XPNPEP2: variants seen among roughly 807,000 people sequenced by gnomAD.
XPNPEP2 encodes the protein X-prolyl aminopeptidase 2.
XPNPEP2 carries 64 observed loss-of-function variants against 59.8 expected under a neutral mutation model. That is an observed-to-expected ratio of 1.07 (90% CI 0.87 to 1.32). The LOEUF is 1.32. Among genes scored for constraint, XPNPEP2 ranks in the 40% most tolerant of loss-of-function variants. The probability of loss-of-function intolerance (pLI) is 0.00; values close to 1 mark genes in which losing one functional copy is unlikely to be tolerated. For synonymous variants in XPNPEP2, 235 were observed against 210.0 expected (o/e 1.12, Z -1.03); for missense variants, 575 against 546.8 (o/e 1.05, Z -0.51).
chrX:129,755,474 C>T lies in XPNPEP2; in HGVS notation c.1295+103C>T, dbSNP rs1009895088. ...GGGGATGTTCTGGGACCTGAGTCCA[C>T]GTTGAAGGTCCGAGGCCCCTAGCCC... On this transcript the variant is annotated intron_variant, in intron 13 of 20. Transcript: ENST00000371106. 8.5e-6 allele frequency: 7 copies of T among 826,371 alleles called. No homozygotes were observed. The South Asian group carries it at 9.0e-5, about 11-fold the overall frequency. 68.1% of individuals were successfully genotyped at this position (826,371 alleles called of 1,213,427 possible). A position where few individuals can be genotyped will look rare whatever the true frequency, so the allele number is the denominator to read the frequency against.
At chrX:129,743,200 A>AT (rs1400760609) in intron 2 of XPNPEP2, among the ~76,000 whole-genome samples, 1 of 112,753 alleles carries the variant, frequency 8.9e-6, no homozygotes, top group Non-Finnish European at 1.9e-5. Context: ...TAAAACAAAC[A>AT]TGGATATATC....
chrX:129,743,349 T>C (rs893128234), intron 2 of XPNPEP2, among the ~76,000 whole-genome samples: 1 of 111,651 alleles, frequency 9.0e-6, no homozygotes, highest in Non-Finnish European at 1.9e-5. Flanking sequence ...ATTCATTCAC[T>C]CTCCTCTGCC....
At chrX:129,765,113 T>C (rs1171436547) in intron 19 of XPNPEP2, among the ~76,000 whole-genome samples, 5 of 112,446 alleles carry the variant, frequency 4.4e-5, no homozygotes, top group Admixed American at 3.8e-4. Context: ...TGGATTCTAC[T>C]GTACATACTT....
Position 129,768,710 on chromosome X carries a change from C to T in XPNPEP2, c.*225C>T. 2 of 310,917 alleles carry T rather than the reference C, an allele frequency of 6.4e-6. No individual in the cohort carries two copies. Among genetic ancestry groups the T allele is most frequent in the Admixed American group, 1.1e-4 (2 of 17,984 alleles). The allele number at this position is 310,917 out of a possible 1,213,427, so 25.6% of individuals were successfully genotyped here. ...CTCCCTGCACCCCGGGGTTGTATAC[C>T]ACACCCTGGGCCCCTAATCCCAGGC... On this transcript the variant is annotated 3_prime_UTR_variant, in exon 21 of 21. Coordinates refer to ENST00000371106, the MANE Select transcript of XPNPEP2 (RefSeq NM_003399.6).
intron 6 of XPNPEP2, among the ~76,000 whole-genome samples, chrX:129,747,383 T>C: frequency 9.0e-6 from 1 of 110,758 alleles, no homozygotes; most frequent in Non-Finnish European, 1.9e-5. Flanking sequence ...AGTGTTAGAG[T>C]AGGCTCAGGG....
intron 18 of XPNPEP2, 63 bp downstream of exon 18, chrX:129,762,128 C>A: frequency 8.9e-7 from 1 of 1,121,714 alleles, no homozygotes; most frequent in Non-Finnish European, 1.2e-6. Flanking sequence ...CCCAGGACTG[C>A]AGTCTAGAGT....
chrX:129,753,152 C>G lies in XPNPEP2; in HGVS notation c.1018-7C>G, dbSNP rs773748486. 10 of 1,208,320 alleles carry G rather than the reference C, an allele frequency of 8.3e-6. No homozygotes were observed. In the Admixed American group the frequency reaches 2.0e-4, roughly 24 times the overall value. On this transcript the variant is annotated splice_polypyrimidine_tract_variant and splice_region_variant and intron_variant, in intron 10 of 20. Transcript: ENST00000371106. The stretch of plus-strand genomic sequence containing the variant: ...AGACCTCCTTTTCTCCTCCCTGCCC[C>G]CAACAGGAGAAACTCGTGACAGACA...
intron 19 of XPNPEP2, among the ~76,000 whole-genome samples, chrX:129,765,787 A>G (rs1279472141): frequency 1.8e-5 from 2 of 108,915 alleles, no homozygotes; most frequent in African/African-American, 6.7e-5. Context: ...ACAGGCACAC[A>G]CCACCACGAC....
intron 6 of XPNPEP2, among the ~76,000 whole-genome samples, chrX:129,747,247 GC>G (rs1426966250): frequency 8.9e-6 from 1 of 112,748 alleles, no homozygotes; most frequent in Admixed American, 9.3e-5. Flanking sequence ...CTGTCCAATG[GC>G]CTGAACATCA....
intron 3 of XPNPEP2, 123 bp from the exon 4 acceptor site, chrX:129,745,080 T>C: frequency 1.2e-6 from 1 of 800,488 alleles, no homozygotes. Context: ...TTGGTGTGCT[T>C]GGGCTTGTAG....
chrX:129,746,006 A>G, intron 4 of XPNPEP2, among the ~76,000 whole-genome samples: 1 of 111,346 alleles, frequency 9.0e-6, no homozygotes, highest in Non-Finnish European at 1.9e-5. Flanking sequence ...AAAGTCCACA[A>G]GCAGCCCTCA....
rs1292032147 is a variant in XPNPEP2, at chrX:129,756,472, TC to T, written c.1296-8del. On this transcript the variant is annotated splice_polypyrimidine_tract_variant and intron_variant, in intron 13 of 20. Coordinates refer to ENST00000371106, the MANE Select transcript of XPNPEP2 (RefSeq NM_003399.6). ...TTAGGCTGCCCTTCTCAACATTCTC[TC>T]CCCTTCTCAGCCCGACCAAGGAGCT... 3.1e-5 allele frequency: 38 copies of T among 1,210,231 alleles called. No homozygotes were observed. Among genetic ancestry groups the T allele is most frequent in the Non-Finnish European group, 4.2e-5 (38 of 894,636 alleles).
At position 129,752,799 on chromosome X, in the gene XPNPEP2, T is replaced by C. The variant is rs1282885946; in HGVS notation, c.1018-360T>C. Among the ~76,000 whole-genome samples, 4 of 112,261 alleles carry C rather than the reference T, an allele frequency of 3.6e-5. No individual in the cohort carries two copies. In the East Asian group the frequency reaches 1.1e-3, roughly 31 times the overall value. On this transcript the variant is annotated intron_variant, in intron 10 of 20. Coordinates refer to ENST00000371106, the MANE Select transcript of XPNPEP2 (RefSeq NM_003399.6). ...GGTAGTGTCCAATAAATGGTAGCTG[T>C]CATGATATGTACAGGAAACTTACAC...
At chrX:129,753,772 G>A (rs1463869745) in intron 11 of XPNPEP2, among the ~76,000 whole-genome samples, 1 of 111,895 alleles carries the variant, frequency 8.9e-6, no homozygotes, top group Non-Finnish European at 1.9e-5. Flanking sequence ...AGGGTGCCTT[G>A]AGTTCAAACC....
rs1323021448 is a variant in XPNPEP2 at position 129,761,194 on chromosome X, C to T, written c.1521C>T (p.Ala507=). The change falls in exon 17 of 21, where the codon GCC becomes GCT. Residue 507 remains alanine (A), a synonymous_variant. Transcript: ENST00000371106. The part of the protein sequence containing the change: ...ATSGRMVEAF[A]RRALWDAGLN... ...CAGGGCGAATGGTGGAGGCCTTTGC[C>T]CGCAGAGCCTTGTGGGATGCTGGTC... 8.3e-7 allele frequency: 1 copy of T among 1,212,005 alleles called. No homozygotes were observed. Among genetic ancestry groups the T allele is most frequent in the Admixed American group, 2.2e-5 (1 of 46,099 alleles).
intron 7 of XPNPEP2, among the ~76,000 whole-genome samples, chrX:129,749,075 G>T (rs1376376863): frequency 8.9e-6 from 1 of 112,297 alleles, no homozygotes; most frequent in African/African-American, 3.2e-5. Flanking sequence ...GGTTCATTTG[G>T]TTTCTCAGAA....
chrX:129,755,664 C>T (rs751423475), intron 13 of XPNPEP2, among the ~76,000 whole-genome samples: 4 of 112,839 alleles, frequency 3.5e-5, no homozygotes, highest in African/African-American at 9.7e-5. Flanking sequence ...TTAAAGCTCA[C>T]GAGTTCACAT....
At position 129,755,317 on chromosome X, in the gene XPNPEP2, C is replaced by T; in HGVS notation, c.1241C>T (p.Pro414Leu). ...AGAGAAGAACAGTTCTCCTCCGGAC[C>T]CAGTTTTGAAACCATCTCTGCTAGT... The part of the protein sequence containing the change: ...FRGEEQFSSG[P>L]SFETISASGL... The change falls in exon 13 of 21, where the codon CCC becomes CTC. Residue 414 changes from proline to leucine, a missense_variant. Transcript: ENST00000371106. 8.3e-7 allele frequency: 1 copy of T among 1,211,918 alleles called. No homozygotes were observed. The highest frequency in any genetic ancestry group is 1.1e-6 in the Non-Finnish European group (1 of 895,458).
At chrX:129,765,064 G>A (rs1385566241) in intron 19 of XPNPEP2, among the ~76,000 whole-genome samples, 1 of 112,403 alleles carries the variant, frequency 8.9e-6, no homozygotes, top group East Asian at 2.8e-4. Flanking sequence ...CACAGCGTAT[G>A]TATCTATCTA....
Sources: gnomAD v4.1 joint callset for allele counts (sites outside exome capture counted in the v4.1 genomes callset) on GRCh38, gnomAD v4.1.1 for gene constraint, MANE v1.5 for transcripts, NCBI Gene and HGNC (gene_info 2026-07-23, HGNC 2026-07-21) for gene names.